MED27: variants seen among roughly 807,000 people sequenced by gnomAD.
MED27 encodes the protein mediator of RNA polymerase II transcription subunit 27.
Under a neutral mutation model 38.2 loss-of-function variants are expected in MED27, and 30 were observed. The observed-to-expected ratio is 0.79, with a 90% CI of 0.59 to 1.07. The LOEUF (loss-of-function observed/expected upper bound fraction) is 1.07, where lower values mean the gene tolerates loss of function less well. Among genes scored for constraint, MED27 ranks in the 50% least tolerant of loss-of-function variants. The pLI, the probability that MED27 is intolerant of heterozygous loss-of-function variation, is 0.00. For missense variants in MED27, 289 were observed against 397.5 expected, an observed-to-expected ratio of 0.73 and a Z score of 2.32; for synonymous variants, 122 against 153.5, an observed-to-expected ratio of 0.79 and a Z score of 1.52.
intron 3 of MED27, among the ~76,000 whole-genome samples, chr9:131,977,904 T>C (rs1301497940): frequency 6.6e-6 from 1 of 152,208 alleles, no homozygotes; most frequent in African/African-American, 2.4e-5. Flanking sequence ...AGTTTGTCTT[T>C]GTAGACGTGT....
At chr9:131,876,800 C>T (rs532043689) in intron 6 of MED27, among the ~76,000 whole-genome samples, 13 of 152,334 alleles carry the variant, frequency 8.5e-5, no homozygotes, top group Non-Finnish European at 1.5e-4. Context: ...TACCACTCAT[C>T]GGAGTCATGG....
chr9:131,971,201 G>T (rs1449489489), intron 3 of MED27, among the ~76,000 whole-genome samples: 1 of 152,204 alleles, frequency 6.6e-6, no homozygotes, highest in Non-Finnish European at 1.5e-5. Flanking sequence ...CTACTTTTAT[G>T]GACTTTAAAA....
chr9:132,019,622 A>C (rs1832677321), intron 2 of MED27, among the ~76,000 whole-genome samples: 1 of 152,194 alleles, frequency 6.6e-6, no homozygotes. Flanking sequence ...CCCTACCCAC[A>C]ACCCCATTTC....
At chr9:131,966,903 G>A (rs1831363206) in intron 3 of MED27, among the ~76,000 whole-genome samples, 1 of 152,222 alleles carries the variant, frequency 6.6e-6, no homozygotes, top group Non-Finnish European at 1.5e-5. Context: ...CACGTAGCAA[G>A]TACTATCTGG....
At chr9:131,994,816 G>C (rs1832055602) in intron 3 of MED27, among the ~76,000 whole-genome samples, 1 of 152,110 alleles carries the variant, frequency 6.6e-6, no homozygotes, top group Non-Finnish European at 1.5e-5. Flanking sequence ...AGTCCCAGTG[G>C]CCCTCCCCAG....
intron 6 of MED27, among the ~76,000 whole-genome samples, chr9:131,863,555 GA>G (rs1258413956): frequency 6.6e-6 from 1 of 152,216 alleles, no homozygotes; most frequent in East Asian, 1.9e-4. Flanking sequence ...TTCCTCCTGC[GA>G]TGGTTTTCCC....
chr9:132,030,953 G>T (rs547314905), intron 2 of MED27, among the ~76,000 whole-genome samples: 1 of 152,248 alleles, frequency 6.6e-6, no homozygotes, highest in Non-Finnish European at 1.5e-5. Context: ...TTTGCAGAGT[G>T]AAGTATACTA....
At chr9:132,064,471 G>A (rs1484739922) in intron 2 of MED27, among the ~76,000 whole-genome samples, 1 of 152,180 alleles carries the variant, frequency 6.6e-6, no homozygotes, top group Non-Finnish European at 1.5e-5. Context: ...ACTGAGTCAC[G>A]TCTGAGGTCG....
intron 3 of MED27, among the ~76,000 whole-genome samples, chr9:131,952,090 T>C (rs1831009814): frequency 6.6e-6 from 1 of 152,252 alleles, no homozygotes; most frequent in South Asian, 2.1e-4. Context: ...CATCCCGCAC[T>C]GTGCCCCAGG....
chr9:131,976,150 T>C (rs1194610775), intron 3 of MED27, among the ~76,000 whole-genome samples: 1 of 152,124 alleles, frequency 6.6e-6, no homozygotes, highest in Non-Finnish European at 1.5e-5. Flanking sequence ...AGCTGTATCA[T>C]ACAGAGGAGT....
intron 2 of MED27, among the ~76,000 whole-genome samples, chr9:132,070,344 C>G (rs948302424): frequency 6.6e-6 from 1 of 152,196 alleles, no homozygotes; most frequent in African/African-American, 2.4e-5. Context: ...TGGCTTGAAC[C>G]TAGGAGTTTG....
At chr9:132,008,759 A>G (rs983300244) in intron 3 of MED27, among the ~76,000 whole-genome samples, 2 of 152,190 alleles carry the variant, frequency 1.3e-5, no homozygotes, top group Admixed American at 1.3e-4. Flanking sequence ...GTGCCATCCA[A>G]CTGCTAACAC....
chr9:131,993,800 T>TC (rs1307092719), intron 3 of MED27, among the ~76,000 whole-genome samples: 1 of 152,192 alleles, frequency 6.6e-6, no homozygotes, highest in Non-Finnish European at 1.5e-5. Flanking sequence ...CTGCAGGCTC[T>TC]CCCCATGTCT....
intron 3 of MED27, among the ~76,000 whole-genome samples, chr9:131,979,831 A>ATGGCTGGCTGGCTGGC (rs71374157): frequency 0.011 from 1,601 of 150,492 alleles, 30 homozygotes; most frequent in African/African-American, 0.032. Flanking sequence ...TGAAAACAAG[A>ATGGCTGGCTGGCTGGC]TGGCTGGCTG....
chr9:131,986,816 T>A (rs1831860710), intron 3 of MED27, among the ~76,000 whole-genome samples: 1 of 152,166 alleles, frequency 6.6e-6, no homozygotes, highest in Non-Finnish European at 1.5e-5. Context: ...CCATTTCTCA[T>A]CAGAATGTAA....
At chr9:131,896,826 G>A (rs977993565) in intron 4 of MED27, among the ~76,000 whole-genome samples, 2 of 152,200 alleles carry the variant, frequency 1.3e-5, no homozygotes, top group African/African-American at 4.8e-5. Flanking sequence ...CCGCCTCCCG[G>A]GTTCAAGCGA....
chr9:132,008,924 A>G (rs551654959), intron 3 of MED27, among the ~76,000 whole-genome samples: 2 of 152,218 alleles, frequency 1.3e-5, no homozygotes, highest in Non-Finnish European at 2.9e-5. Flanking sequence ...GCAAGAAAGC[A>G]TCTAGCATTC....
At chr9:131,994,477 C>T (rs969531155) in intron 3 of MED27, among the ~76,000 whole-genome samples, 15 of 152,178 alleles carry the variant, frequency 9.9e-5, no homozygotes, top group Non-Finnish European at 1.8e-4. Flanking sequence ...GGGCAGTGGT[C>T]CCACTTTACG....
At chr9:131,903,158 T>A (rs1589196680) in intron 4 of MED27, among the ~76,000 whole-genome samples, 1 of 152,214 alleles carries the variant, frequency 6.6e-6, no homozygotes, top group Admixed American at 6.5e-5. Context: ...AAGAGGTTTA[T>A]TGGACTTACA....
Sources: gnomAD v4.1 joint callset for allele counts (sites outside exome capture counted in the v4.1 genomes callset) on GRCh38, gnomAD v4.1.1 for gene constraint, MANE v1.5 for transcripts, NCBI Gene and HGNC (gene_info 2026-07-23, HGNC 2026-07-21) for gene names.